The following PREX1 variants were observed in gnomAD, a reference collection of about 807,000 sequenced individuals.
PREX1 encodes the protein phosphatidylinositol-3,4,5-trisphosphate dependent Rac exchange factor 1, also known as phosphatidylinositol 3,4,5-trisphosphate-dependent Rac exchanger 1 protein.
Under a neutral mutation model 198.3 loss-of-function variants are expected in PREX1, and 41 were observed. The ratio of observed to expected loss-of-function variants is 0.21; its 90% CI spans 0.16 to 0.27. PREX1 has a LOEUF of 0.27. PREX1 is among the 10% of genes least tolerant of loss of function. The probability of loss-of-function intolerance (pLI) is 1.00; values close to 1 mark genes in which losing one functional copy is unlikely to be tolerated. For missense variants in PREX1, 1,620 were observed against 2,200.7 expected (o/e 0.74, Z 5.28); for synonymous variants, 843 against 887.2 (o/e 0.95, Z 0.89).
rs1004853765 is a variant in PREX1 at position 48,781,842 on chromosome 20, T to A, written c.220-33962A>T. Among the ~76,000 whole-genome samples the A allele has an allele frequency of 2.0e-5, 3 of 152,222 alleles. No homozygotes were observed. In the South Asian group the frequency reaches 6.2e-4, roughly 32 times the overall value. ...TGCATGCCCTCATGACCCAGTCACC[T>A]CCTATTAGGCCCTATTTCCTGTTGC... On this transcript the variant is annotated intron_variant, in intron 1 of 39. Coordinates refer to ENST00000371941, the MANE Select transcript of PREX1 (RefSeq NM_020820.4).
At chr20:48,753,744 C>G (rs1281900676) in intron 1 of PREX1, among the ~76,000 whole-genome samples, 1 of 152,168 alleles carries the variant, frequency 6.6e-6, no homozygotes, top group African/African-American at 2.4e-5. Context: ...TCCAGGCCTT[C>G]GCACGTGCTG....
chr20:48,722,311 G>C lies in PREX1; in HGVS notation c.621+3979C>G, dbSNP rs73911652. ...AGGAGGCACCGACACGCTCCAATGT[G>C]GCTGAACCTTGAGGACATGAGCCTA... On this transcript the variant is annotated intron_variant, in intron 5 of 39. Coordinates refer to ENST00000371941, the MANE Select transcript of PREX1 (RefSeq NM_020820.4). Among the ~76,000 whole-genome samples the C allele has an allele frequency of 6.0e-3, 909 of 152,318 alleles. 14 individuals carry two copies. Among genetic ancestry groups the C allele is most frequent in the African/African-American group, 0.021 (878 of 41,568 alleles).
At chr20:48,677,481 C>T (rs1461259871) in intron 13 of PREX1, among the ~76,000 whole-genome samples, 5 of 152,306 alleles carry the variant, frequency 3.3e-5, no homozygotes, top group Non-Finnish European at 2.9e-5. Flanking sequence ...CAATCTCTGG[C>T]GTTCATTATA....
intron 10 of PREX1, among the ~76,000 whole-genome samples, 184 bp downstream of exon 10, chr20:48,688,473 G>C (rs112946391): frequency 2.0e-5 from 3 of 152,064 alleles, no homozygotes; most frequent in Non-Finnish European, 1.5e-5. Flanking sequence ...TGAAAGACCT[G>C]ATTTAGGGAC....
intron 6 of PREX1, among the ~76,000 whole-genome samples, chr20:48,706,065 T>C (rs1393743112): frequency 1.3e-5 from 2 of 152,214 alleles, no homozygotes; most frequent in South Asian, 2.1e-4. Flanking sequence ...CAACAATTCT[T>C]ATTTTAAGGC....
the PREX1 span, among the ~76,000 whole-genome samples, chr20:48,864,433 G>A: frequency 0.46 from 70,117 of 152,084 alleles, 16,330 homozygotes; most frequent in African/African-American, 0.52. Flanking sequence ...TTTATTGTGT[G>A]CTTTCTTTGT....
the PREX1 span, among the ~76,000 whole-genome samples, chr20:48,853,717 G>A: frequency 6.6e-6 from 1 of 152,110 alleles, no homozygotes; most frequent in Non-Finnish European, 1.5e-5. Context: ...CACCTTTAAG[G>A]ACAGTCAATA....
At chr20:48,856,717 C>A in the PREX1 span, among the ~76,000 whole-genome samples, 6 of 152,198 alleles carry the variant, frequency 3.9e-5, no homozygotes, top group African/African-American at 1.4e-4. Flanking sequence ...CTGGGAAAAA[C>A]AACAGTTTGC....
chr20:48,719,310 C>A (rs564174229), intron 5 of PREX1, among the ~76,000 whole-genome samples: 3 of 152,206 alleles, frequency 2.0e-5, no homozygotes, highest in Non-Finnish European at 4.4e-5. Context: ...AGGACCCCCC[C>A]CCCAACTCCC....
At position 48,630,731 on chromosome 20, in the gene PREX1, G is replaced by A. The variant is rs2089307296; in HGVS notation, c.4590C>T (p.Asp1530=). 4.4e-6 allele frequency: 7 copies of A among 1,590,474 alleles called. No homozygotes were observed. Among genetic ancestry groups the A allele is most frequent in the Non-Finnish European group, 6.0e-6 (7 of 1,158,606 alleles). Residue 1530 remains aspartate, a synonymous_variant, in exon 36 of 40, where the codon GAC becomes GAT. Coordinates refer to ENST00000371941, the MANE Select transcript of PREX1 (RefSeq NM_020820.4). ...GCAGGAGGGCACGTGGACATACCTG[G>A]TCTATCTTTACCGCCGTGGTGCTGG... ...TDASTTAVKI[D]QLIRPINALD...
intron 24 of PREX1, 68 bp from the exon 25 acceptor site, chr20:48,649,644 C>A: frequency 6.8e-7 from 1 of 1,469,262 alleles, no homozygotes; most frequent in Non-Finnish European, 9.1e-7. Flanking sequence ...TTGGGCGGAA[C>A]AATACAAACC....
intron 3 of PREX1, among the ~76,000 whole-genome samples, chr20:48,740,197 T>C (rs1442068934): frequency 6.6e-6 from 1 of 151,294 alleles, no homozygotes; most frequent in Non-Finnish European, 1.5e-5. Context: ...AAGCAGGGAG[T>C]AAATGGAGTA....
the PREX1 span, among the ~76,000 whole-genome samples, chr20:48,859,532 C>G: frequency 6.6e-6 from 1 of 152,128 alleles, no homozygotes; most frequent in Admixed American, 6.6e-5. Context: ...CAAAACAAAA[C>G]AAATATACAC....
At chr20:48,810,662 G>A (rs893980000) in intron 1 of PREX1, among the ~76,000 whole-genome samples, 2 of 151,152 alleles carry the variant, frequency 1.3e-5, no homozygotes, top group African/African-American at 2.4e-5. Flanking sequence ...TGAAGCAGGT[G>A]GATCATCTCA....
At chr20:48,704,855 T>C (rs2869668) in intron 6 of PREX1, among the ~76,000 whole-genome samples, 86,811 of 152,096 alleles carry the variant, frequency 0.57, 26,610 homozygotes, top group African/African-American at 0.81. Context: ...CGCGCCAGGC[T>C]TGTTTCTTTC....
Position 48,827,836 on chromosome 20 carries a change from G to T in PREX1, c.25C>A (p.Pro9Thr), listed in dbSNP as rs1386461112. 2 of 979,866 alleles carry T rather than the reference G, an allele frequency of 2.0e-6. No individual in the cohort carries two copies. The highest frequency in any genetic ancestry group is 3.5e-5 in the African/African-American group (2 of 56,696). The allele number at this position is 979,866 out of a possible 1,614,324, so 60.7% of individuals were successfully genotyped here. ...CAGTCCCCGGCCCCGTCGCCGCCGG[G>T]CTCGCTGCCGCTGGGCGCCTCCATT... MEAPSGSE[P>T]GGDGAGDCAH... Residue 9 changes from proline to threonine, a missense_variant, in exon 1 of 40, where the codon CCC becomes ACC. Pro to Thr is a conservative substitution (Grantham distance 38). Around this residue, in one of 7 missense-constraint regions of PREX1, gnomAD observed 96 missense variants for 98.7 expected, o/e 0.97. Transcript: ENST00000371941. This position sits in a 1 kb window ranked among gnomAD's most constrained non-coding sequence, Gnocchi z 4.1.
chr20:48,848,212 T>G, the PREX1 span, among the ~76,000 whole-genome samples: 27 of 152,248 alleles, frequency 1.8e-4, no homozygotes, highest in South Asian at 5.4e-3. Context: ...CAGCACTATA[T>G]GAGGGTTCCA....
At position 48,820,510 on chromosome 20, in the gene PREX1, C is replaced by T. The variant is rs183165663; in HGVS notation, c.219+7132G>A. ...ACTCTGCTGGGTGAAAAGGGCAAACCGTATTATGCTACTTACATAAACACA... is the reference window on the plus strand; with the variant it reads ...ACTCTGCTGGGTGAAAAGGGCAAACTGTATTATGCTACTTACATAAACACA... On this transcript the variant is annotated intron_variant, in intron 1 of 39. Coordinates refer to ENST00000371941, the MANE Select transcript of PREX1 (RefSeq NM_020820.4). Among the ~76,000 whole-genome samples the T allele has an allele frequency of 7.5e-4, 115 of 152,322 alleles. 2 individuals carry two copies. The South Asian group carries it at 0.018, about 23-fold the overall frequency.
chr20:48,727,464 A>G (rs1279513084), intron 4 of PREX1, among the ~76,000 whole-genome samples: 1 of 152,072 alleles, frequency 6.6e-6, no homozygotes, highest in Non-Finnish European at 1.5e-5. Flanking sequence ...AATAAAAATA[A>G]TAATAATAAT....
Sources: gnomAD v4.1 joint callset for allele counts (sites outside exome capture counted in the v4.1 genomes callset) on GRCh38, gnomAD v4.1.1 for gene constraint, gnomAD v4.1.1 regional missense constraint, Gnocchi (gnomAD v3.1) non-coding constraint, MANE v1.5 for transcripts, NCBI Gene and HGNC (gene_info 2026-07-23, HGNC 2026-07-21) for gene names.